Variants in CCDC154 observed in about 807,000 individuals in gnomAD.
CCDC154 encodes the protein coiled-coil domain-containing protein 154.
In CCDC154, 91 loss-of-function variants were observed where a neutral mutation model predicts 87.5. The ratio of observed to expected loss-of-function variants is 1.04; its 90% CI spans 0.88 to 1.24. The LOEUF (loss-of-function observed/expected upper bound fraction) is 1.24, where lower values mean the gene tolerates loss of function less well. Ranked by LOEUF, CCDC154 falls within the 50% of genes most tolerant of loss-of-function variation. CCDC154 has a pLI of 0.00. For synonymous variants in CCDC154, 418 were observed against 400.4 expected, an observed-to-expected ratio of 1.04 and a Z score of -0.52; for missense variants, 903 against 879.2, an observed-to-expected ratio of 1.03 and a Z score of -0.34.
At chr16:1,439,392 C>T (rs541014489) in intron 6 of CCDC154, 9 of 493,276 alleles carry the variant, frequency 1.8e-5, no homozygotes, top group South Asian at 1.1e-4. Flanking sequence ...CACCCACCAC[C>T]GAGGCTGCCC....
intron 11 of CCDC154, chr16:1,437,615 G>A (rs926550271): frequency 1.8e-5 from 11 of 595,186 alleles, no homozygotes; most frequent in African/African-American, 3.9e-5. Flanking sequence ...ATGCTGGGCC[G>A]AGGCTGCTCA....
chr16:1,440,518 G>C (rs186905196), intron 6 of CCDC154, among the ~76,000 whole-genome samples: 1 of 139,512 alleles, frequency 7.2e-6, no homozygotes, highest in African/African-American at 2.8e-5. Context: ...GAGAAGAGAA[G>C]AGAAAAAAGA....
intron 4 of CCDC154, 143 bp from the exon 5 acceptor site, chr16:1,443,118 G>A: frequency 3.7e-6 from 5 of 1,361,844 alleles, no homozygotes; most frequent in Non-Finnish European, 4.0e-6. Flanking sequence ...TACAAACCCG[G>A]CCTTTTCTAG....
Position 1,443,486 on chromosome 16 carries a change from T to TCA in CCDC154, c.414+19_414+20insTG. 1 of 1,432,596 alleles carries TCA rather than the reference T, an allele frequency of 7.0e-7. No individual in the cohort carries two copies. The highest frequency in any genetic ancestry group is 9.1e-7 in the Non-Finnish European group (1 of 1,097,020). 88.7% of individuals were successfully genotyped at this position (1,432,596 alleles called of 1,614,324 possible). ...CCCAGGAAAGGGGCAGCTCGACCTGTGGGTGGGGGAGCCGCTCACCTCCGG... is the reference window on the plus strand; with the variant it reads ...CCCAGGAAAGGGGCAGCTCGACCTGTCAGGGTGGGGGAGCCGCTCACCTCCGG... On this transcript the variant is annotated intron_variant, in intron 3 of 16. Transcript: ENST00000389176.
intron 6 of CCDC154, among the ~76,000 whole-genome samples, chr16:1,441,003 C>T (rs2142355262): frequency 6.6e-6 from 1 of 151,542 alleles, no homozygotes; most frequent in African/African-American, 2.4e-5. Context: ...CCCGCAGTCA[C>T]AGCTACTGGG....
At chr16:1,440,424 T>A (rs545635341) in intron 6 of CCDC154, among the ~76,000 whole-genome samples, 7 of 142,654 alleles carry the variant, frequency 4.9e-5, no homozygotes, top group Non-Finnish European at 9.3e-5. Flanking sequence ...CACTCCAGCC[T>A]GGGCAACAGA....
chr16:1,440,093 G>A (rs1487005916), intron 6 of CCDC154, among the ~76,000 whole-genome samples: 3 of 147,392 alleles, frequency 2.0e-5, no homozygotes, highest in African/African-American at 7.5e-5. Flanking sequence ...GTTGCAGTGA[G>A]CTGAGATCAT....
In CCDC154 at chr16:1,434,463, G is replaced by A. The variant is rs2038479668; in HGVS notation, c.1949C>T (p.Pro650Leu). ...CTGCTGCACCTGCTCCTGGCTGTGG[G>A]GCTTCTCCAGGACCCCTCCTGGCCT... is the stretch of plus-strand genomic sequence containing the variant. The part of the protein sequence containing the change: ...LRRPGGVLEK[P>L]HSQEQVQQLT... Residue 650 changes from proline to leucine, a missense_variant, in exon 17 of 17, where the codon CCC becomes CTC. Pro to Leu is a moderately conservative substitution (Grantham distance 98, BLOSUM62 -3). Coordinates refer to ENST00000389176, the MANE Select transcript of CCDC154 (RefSeq NM_001143980.3). 2 of 1,550,094 alleles carry A rather than the reference G, an allele frequency of 1.3e-6. No individual in the cohort carries two copies. Among genetic ancestry groups the A allele is most frequent in the African/African-American group, 1.4e-5 (1 of 73,026 alleles).
intron 6 of CCDC154, among the ~76,000 whole-genome samples, chr16:1,441,637 G>A (rs1450650942): frequency 6.6e-6 from 1 of 152,220 alleles, no homozygotes; most frequent in Non-Finnish European, 1.5e-5. Context: ...GAGAGTGGCC[G>A]TGGAAGGGGC....
At chr16:1,438,585 C>T (rs565038368) in intron 9 of CCDC154, 34 bp downstream of exon 9, 973 of 1,530,220 alleles carry the variant, frequency 6.4e-4, no homozygotes, top group Admixed American at 1.2e-3. Context: ...GGGGTCCCCC[C>T]GCCTGACAGC....
Position 1,435,944 on chromosome 16 carries a change from TGGGTGC to T in CCDC154, c.1605+19_1605+24del. Reference sequence around the variant, plus strand: ...CTGATGGCTCCCCCTCTCTCCCAGCTGGGTGCGGGCAGCCCCAGGACTACCGTGGCC... The same window carrying T: ...CTGATGGCTCCCCCTCTCTCCCAGCTGGGCAGCCCCAGGACTACCGTGGCC... On this transcript the variant is annotated intron_variant, in intron 14 of 16. Coordinates refer to ENST00000389176, the MANE Select transcript of CCDC154 (RefSeq NM_001143980.3). 6.5e-7 allele frequency: 1 copy of T among 1,535,330 alleles called. No individual in the cohort carries two copies. The highest frequency in any genetic ancestry group is 1.2e-5 in the South Asian group (1 of 83,754).
At chr16:1,434,568 C>A in intron 16 of CCDC154, 34 bp from the exon 17 acceptor site, 4 of 1,524,854 alleles carry the variant, frequency 2.6e-6, no homozygotes, top group Non-Finnish European at 3.5e-6. Flanking sequence ...CCCCTGCACC[C>A]CCGCCCCACC....
chr16:1,436,213 C>T (rs1486194236), intron 13 of CCDC154, 127 bp from the exon 14 acceptor site: 8 of 891,464 alleles, frequency 9.0e-6, no homozygotes, highest in Non-Finnish European at 1.4e-5. Flanking sequence ...GCCCTGTCAC[C>T]CCTCCAGTGG....
Position 1,442,901 on chromosome 16 carries a change from G to A in CCDC154, c.530C>T (p.Ala177Val), listed in dbSNP as rs899459919. 6.5e-7 allele frequency: 1 copy of A among 1,549,452 alleles called. No homozygotes were observed. Among genetic ancestry groups the A allele is most frequent in the Non-Finnish European group, 8.7e-7 (1 of 1,146,692 alleles). ...QVQQEAERRG[A>V]EQEAGLRLAK... Reference sequence around the variant, plus strand: ...CCACCTGAGGCCGGCCTCTTGCTCGGCGCCCCTTCTCTCCGCCTCCTGTTG... The same window carrying A: ...CCACCTGAGGCCGGCCTCTTGCTCGACGCCCCTTCTCTCCGCCTCCTGTTG... Residue 177 changes from alanine to valine, a missense_variant, in exon 5 of 17, where the codon GCC becomes GTC. Physicochemically the swap from Ala to Val is moderately conservative, Grantham distance 64 (BLOSUM62 0). Transcript: ENST00000389176.
chr16:1,441,182 C>T (rs761576925), intron 6 of CCDC154, among the ~76,000 whole-genome samples: 2 of 152,184 alleles, frequency 1.3e-5, no homozygotes, highest in Non-Finnish European at 2.9e-5. Flanking sequence ...CTCAGACACC[C>T]GGACTCAGGG....
intron 11 of CCDC154, 142 bp from the exon 12 acceptor site, chr16:1,436,953 C>A: frequency 8.2e-7 from 1 of 1,225,370 alleles, no homozygotes; most frequent in Non-Finnish European, 1.1e-6. Flanking sequence ...GGCCTGCAGG[C>A]GGCTGGGATG....
At position 1,442,399 on chromosome 16, in the gene CCDC154, G is replaced by A. The variant is rs1389728046; in HGVS notation, c.675+7C>T. The A allele has an allele frequency of 5.8e-6, 9 of 1,545,350 alleles. No individual in the cohort carries two copies. In the Admixed American group the frequency reaches 9.9e-5, roughly 17 times the overall value. On this transcript the variant is annotated splice_region_variant and intron_variant, in intron 6 of 16. Transcript: ENST00000389176. ...GCGGCCCCCCTGAAGCCTGGGCCTG[G>A]TGGTACCTGCATTCTGGCCACCTCC...
intron 6 of CCDC154, among the ~76,000 whole-genome samples, chr16:1,441,131 G>C (rs987184957): frequency 4.6e-5 from 7 of 152,222 alleles, no homozygotes; most frequent in East Asian, 1.9e-4. Context: ...AACAAAAAAC[G>C]AGTGTCGGCC....
chr16:1,434,899 C>A, intron 15 of CCDC154, 47 bp from the exon 16 acceptor site: 1 of 1,461,772 alleles, frequency 6.8e-7, no homozygotes. Flanking sequence ...GACCTCCGGG[C>A]AGGGGATGGC....
Sources: gnomAD v4.1 joint callset for allele counts (sites outside exome capture counted in the v4.1 genomes callset) on GRCh38, gnomAD v4.1.1 for gene constraint, MANE v1.5 for transcripts, NCBI Gene and HGNC (gene_info 2026-07-23, HGNC 2026-07-21) for gene names.